PLCH2: variants seen among roughly 807,000 people sequenced by gnomAD.
PLCH2 encodes 1-phosphatidylinositol 4,5-bisphosphate phosphodiesterase eta-2.
A neutral mutation model predicts 134.7 loss-of-function variants in PLCH2; 98 were observed. The ratio of observed to expected loss-of-function variants is 0.73; its 90% CI spans 0.62 to 0.86. The LOEUF (loss-of-function observed/expected upper bound fraction) is 0.86. Ranked by LOEUF, PLCH2 falls within the 40% of genes least tolerant of loss-of-function variation. The pLI is 0.00. For missense variants in PLCH2, 1,994 were observed against 1,986.6 expected (o/e 1.00, Z -0.07); for synonymous variants, 974 against 827.5 (o/e 1.18, Z -3.04).
rs1558043194 is a variant in PLCH2, at chr1:2,504,385, C to T, written c.3423C>T (p.Asp1141=). The T allele has an allele frequency of 1.2e-6, 2 of 1,612,254 alleles. No individual in the cohort carries two copies. Among genetic ancestry groups the T allele is most frequent in the Non-Finnish European group, 1.7e-6 (2 of 1,179,742 alleles). The change falls in exon 22 of 22, where the codon GAC becomes GAT. Residue 1141 remains aspartate (D), a synonymous_variant. Coordinates refer to ENST00000378486, the MANE Select transcript of PLCH2 (RefSeq NM_014638.4). ...WQRLEPCGHR[D]SVSSSSSMSS... ...GGCTGGAGCCATGTGGCCACCGAGA[C>T]AGCGTTTCCTCCTCCTCCAGCATGT...
At chr1:2,488,233 C>T (rs1384250322) in intron 8 of PLCH2, among the ~76,000 whole-genome samples, 1 of 152,188 alleles carries the variant, frequency 6.6e-6, no homozygotes, top group Non-Finnish European at 1.5e-5. Context: ...GTAGATGGGC[C>T]TCTCCTGGAA....
chr1:2,442,862 A>T (rs1639752480), intron 2 of PLCH2, among the ~76,000 whole-genome samples: 1 of 152,104 alleles, frequency 6.6e-6, no homozygotes, highest in Non-Finnish European at 1.5e-5. Flanking sequence ...GCCTCTCTGG[A>T]CACAGGCCAG....
At chr1:2,468,231 G>C (rs369232407) in intron 1 of PLCH2, among the ~76,000 whole-genome samples, 2 of 152,228 alleles carry the variant, frequency 1.3e-5, no homozygotes, top group Admixed American at 1.3e-4. Flanking sequence ...TGCTTTCTCT[G>C]GGGGGCCTGC....
chr1:2,434,912 G>A (rs1639252748), intron 2 of PLCH2, among the ~76,000 whole-genome samples: 1 of 152,250 alleles, frequency 6.6e-6, no homozygotes, highest in African/African-American at 2.4e-5. Flanking sequence ...GCCCAGGAGA[G>A]CTGAGCCCGC....
intron 21 of PLCH2, 146 bp downstream of exon 21, chr1:2,502,555 G>T: frequency 2.2e-6 from 2 of 898,666 alleles, no homozygotes; most frequent in Non-Finnish European, 3.6e-6. Flanking sequence ...CCGGGGGCCT[G>T]CAGAGGGAGC....
intron 2 of PLCH2, among the ~76,000 whole-genome samples, chr1:2,436,509 T>TC (rs1187293620): frequency 1.2e-4 from 4 of 32,562 alleles, no homozygotes; most frequent in African/African-American, 5.5e-4. Flanking sequence ...CCTCCTTTCC[T>TC]CCTTCCTCCC....
chr1:2,489,428 C>T (rs1186565756), intron 9 of PLCH2, 50 bp downstream of exon 9: 3 of 1,578,522 alleles, frequency 1.9e-6, no homozygotes, highest in African/African-American at 2.7e-5. Flanking sequence ...AGTCTCGGGC[C>T]TGCAGCAGTG....
upstream of PLCH2, among the ~76,000 whole-genome samples, chr1:2,474,707 G>A (rs551387605): frequency 6.6e-6 from 1 of 152,330 alleles, no homozygotes; most frequent in East Asian, 1.9e-4. Context: ...GCCAGGCCCA[G>A]GGTGAGGGAA....
chr1:2,426,975 G>A (rs544832073), intron 1 of PLCH2, among the ~76,000 whole-genome samples: 1 of 152,350 alleles, frequency 6.6e-6, no homozygotes, highest in East Asian at 1.9e-4. Context: ...TGGGAGAGTG[G>A]GGAGGACTGT....
chr1:2,462,564 G>A (rs372560006), upstream of PLCH2, among the ~76,000 whole-genome samples: 29 of 152,084 alleles, frequency 1.9e-4, 1 homozygote, highest in Admixed American at 5.2e-4. Flanking sequence ...GGGCAACTAC[G>A]GTCAGTCTGG....
chr1:2,503,996 C>T lies in PLCH2; in HGVS notation c.3034C>T (p.Pro1012Ser). ...SLETIAEEPA[P>S]GPGPPPPAAV... ...GGAAACCATCGCTGAGGAGCCCGCC[C>T]CAGGCCCTGGTCCCCCGCCACCAGC... is the stretch of plus-strand genomic sequence containing the variant. The change falls in exon 22 of 22, where the codon CCA becomes TCA. Residue 1012 changes from proline to serine, a missense_variant. Physicochemically the swap from Pro to Ser is moderately conservative, Grantham distance 74. Transcript: ENST00000378486. The T allele has an allele frequency of 6.6e-7, 1 of 1,526,638 alleles. No individual in the cohort carries two copies. The highest frequency in any genetic ancestry group is 8.9e-7 in the Non-Finnish European group (1 of 1,126,046). 94.6% of individuals were successfully genotyped at this position (1,526,638 alleles called of 1,614,324 possible). A position where few individuals can be genotyped will look rare whatever the true frequency, so the allele number is the denominator to read the frequency against.
At position 2,483,992 on chromosome 1, in the gene PLCH2, C is replaced by T. The variant is rs557015491; in HGVS notation, c.646-456C>T. 6.2e-4 allele frequency among the ~76,000 whole-genome samples: 70 copies of T among 112,186 alleles called. 15 individuals are homozygous for T. Among genetic ancestry groups the T allele is most frequent in the African/African-American group, 2.5e-3 (67 of 26,742 alleles). The allele number at this position is 112,186 out of a possible 152,430, so 73.6% of individuals were successfully genotyped here. On this transcript the variant is annotated intron_variant, in intron 4 of 21. Transcript: ENST00000378486. ...GGGCGCTGACTCCCGTGTGGGGGGG[C>T]GCTGACTCCCGTGTGGGGGGGCGCT...
At chr1:2,441,361 G>A (rs1225013912) in intron 2 of PLCH2, among the ~76,000 whole-genome samples, 1 of 152,234 alleles carries the variant, frequency 6.6e-6, no homozygotes, top group Non-Finnish European at 1.5e-5. Context: ...GCCAGCTCCT[G>A]GGCCTGCACT....
chr1:2,438,401 C>T (rs1157277613), intron 2 of PLCH2, among the ~76,000 whole-genome samples: 1 of 152,154 alleles, frequency 6.6e-6, no homozygotes, highest in Non-Finnish European at 1.5e-5. Flanking sequence ...CCAGGGTCAG[C>T]CCAGGTCAGC....
At position 2,504,831 on chromosome 1, in the gene PLCH2, C is replaced by T. The variant is rs963889529; in HGVS notation, c.3869C>T (p.Ser1290Leu). Residue 1290 changes from serine (S) to leucine (L), a missense_variant, in exon 22 of 22, where the codon TCG becomes TTG. Ser to Leu is a moderately radical substitution (Grantham distance 145). Coordinates refer to ENST00000378486, the MANE Select transcript of PLCH2 (RefSeq NM_014638.4). ...CTCCCGGGAGGGACACGGCGGGTGT[C>T]GGGGCCAGGGGTGAGACGGGACACC... The part of the protein sequence containing the change: ...LGLPGGTRRV[S>L]GPGVRRDTLT... 14 of 1,608,064 alleles carry T rather than the reference C, an allele frequency of 8.7e-6. No homozygotes were observed. Among genetic ancestry groups the T allele is most frequent in the Middle Eastern group, 1.6e-4 (1 of 6,064 alleles).
intron 1 of PLCH2, among the ~76,000 whole-genome samples, chr1:2,470,028 G>T (rs1390207821): frequency 1.3e-5 from 2 of 152,230 alleles, no homozygotes; most frequent in Non-Finnish European, 2.9e-5. Context: ...GCTACAGGAG[G>T]CTCTTTCAGC....
chr1:2,483,743 A>T (rs1304815863), intron 4 of PLCH2, among the ~76,000 whole-genome samples: 2 of 99,794 alleles, frequency 2.0e-5, no homozygotes, highest in East Asian at 7.9e-4. Flanking sequence ...TCCAGCCCAG[A>T]GTGTGTTGTT....
intron 3 of PLCH2, 27 bp downstream of exon 3, chr1:2,480,004 G>A (rs778268696): frequency 6.3e-7 from 1 of 1,596,180 alleles, no homozygotes; most frequent in East Asian, 2.3e-5. Flanking sequence ...ATCGGGCAAT[G>A]CAGACCCAGG....
In PLCH2 at chr1:2,503,634, C is replaced by T. The variant is rs1420738749; in HGVS notation, c.2960-288C>T. The T allele has an allele frequency of 1.7e-4, 120 of 697,030 alleles. No individual in the cohort carries two copies. The East Asian group carries it at 3.0e-3, about 17-fold the overall frequency. The allele number at this position is 697,030 out of a possible 1,614,324, so 43.2% of individuals were successfully genotyped here. On this transcript the variant is annotated intron_variant, in intron 21 of 21. Transcript: ENST00000378486. The stretch of plus-strand genomic sequence containing the variant: ...CTCCGTAGTTAGGAACTGAGAGCGG[C>T]GAGTGACAGGTAACGGGGCCCAGCC...
Sources: gnomAD v4.1 joint callset for allele counts (sites outside exome capture counted in the v4.1 genomes callset) on GRCh38, gnomAD v4.1.1 for gene constraint, MANE v1.5 for transcripts, NCBI Gene and HGNC (gene_info 2026-07-23, HGNC 2026-07-21) for gene names.